The following TRRAP variants were observed in gnomAD, a reference collection of about 807,000 sequenced individuals.
TRRAP encodes transformation/transcription domain associated protein.
A neutral mutation model predicts 438.8 loss-of-function variants in TRRAP; 41 were observed. That is an observed-to-expected ratio of 0.09 (90% CI 0.07 to 0.12). The LOEUF is 0.12. Ranked by LOEUF, TRRAP falls within the 10% of genes least tolerant of loss-of-function variation. The pLI, the probability that TRRAP is intolerant of heterozygous loss-of-function variation, is 1.00. For missense variants in TRRAP, 3,122 were observed against 5,055.1 expected (o/e 0.62, Z 11.60); for synonymous variants, 1,994 against 1,962.9 (o/e 1.02, Z -0.42).
At position 98,994,887 on chromosome 7, in the gene TRRAP, G is replaced by C; in HGVS notation, c.10309+39G>C. 1 of 1,599,966 alleles carries C rather than the reference G, an allele frequency of 6.3e-7. No individual in the cohort carries two copies. Among genetic ancestry groups the C allele is most frequent in the East Asian group, 2.2e-5 (1 of 44,552 alleles). On this transcript the variant is annotated intron_variant, in intron 67 of 72. Transcript: ENST00000456197. The surrounding 1 kb of genome is among the most constrained non-coding windows in gnomAD (Gnocchi z 4.8). ...TTCCTTCCCTTCCATAGGGAGAATT[G>C]TGCACGCTGATTTCCTCCGGCTTTA...
At chr7:98,980,255 A>T (rs1344679524) in intron 58 of TRRAP, among the ~76,000 whole-genome samples, 1 of 152,200 alleles carries the variant, frequency 6.6e-6, no homozygotes, top group Non-Finnish European at 1.5e-5. Context: ...CTTGGGACAG[A>T]TACCATCATG....
intron 18 of TRRAP, among the ~76,000 whole-genome samples, chr7:98,912,896 A>G (rs1774093194): frequency 6.6e-6 from 1 of 152,210 alleles, no homozygotes; most frequent in African/African-American, 2.4e-5. Context: ...CCGTTCTCCC[A>G]GAGCTGGGGT....
chr7:98,960,598 TG>T (rs1173486340), intron 45 of TRRAP, among the ~76,000 whole-genome samples: 2 of 152,212 alleles, frequency 1.3e-5, no homozygotes, highest in Non-Finnish European at 2.9e-5. Context: ...TTTTTGTTTT[TG>T]TTTCGTTTTT....
In TRRAP at chr7:98,984,120, C is replaced by T. The variant is rs777318967; in HGVS notation, c.9050C>T (p.Ser3017Phe). 4.8e-5 allele frequency: 77 copies of T among 1,612,256 alleles called. No individual in the cohort carries two copies. Among genetic ancestry groups the T allele is most frequent in the Non-Finnish European group, 6.0e-5 (71 of 1,179,154 alleles). Residue 3017 changes from serine (S) to phenylalanine (F), a missense_variant, in exon 61 of 73, where the codon TCT becomes TTT. Around this residue, in one of 24 missense-constraint regions of TRRAP, gnomAD observed 129 missense variants for 279.2 expected, o/e 0.46. Transcript: ENST00000456197. ...ATTGTAACTGCCTATGAGAATAGCT[C>T]TCAGCATGATCCCAGTTCAAATAAC... The part of the protein sequence containing the change: ...QAIVTAYENS[S>F]QHDPSSNNAM...
intron 70 of TRRAP, among the ~76,000 whole-genome samples, chr7:99,009,880 CTTTTTTT>C (rs138174570): frequency 6.2e-5 from 6 of 96,692 alleles, no homozygotes; most frequent in Non-Finnish European, 9.6e-5. Context: ...TCATTCTTCT[CTTTTTTT>C]TTTTTTTTTT....
At chr7:98,901,085 G>A (rs77907822) in intron 11 of TRRAP, among the ~76,000 whole-genome samples, 1 of 152,176 alleles carries the variant, frequency 6.6e-6, no homozygotes, top group Non-Finnish European at 1.5e-5. Context: ...ACTTTTTATT[G>A]CTGTGTAGTT....
intron 44 of TRRAP, 43 bp downstream of exon 44, chr7:98,958,134 G>C (rs1554420301): frequency 6.4e-7 from 1 of 1,554,178 alleles, no homozygotes; most frequent in African/African-American, 1.4e-5. Context: ...CTGCAGACCA[G>C]AGGCTACTGA....
At chr7:98,975,966 G>GC in intron 53 of TRRAP, 183 bp from the exon 54 acceptor site, 4 of 757,722 alleles carry the variant, frequency 5.3e-6, no homozygotes, top group Non-Finnish European at 8.0e-6. Flanking sequence ...GTGCACCATG[G>GC]CTTCCCACCA....
At chr7:98,886,766 A>T (rs1795734578) in intron 3 of TRRAP, among the ~76,000 whole-genome samples, 1 of 152,220 alleles carries the variant, frequency 6.6e-6, no homozygotes, top group Non-Finnish European at 1.5e-5. Flanking sequence ...TTCATTATTA[A>T]ATGGGCCATC....
At chr7:98,906,045 CCT>C (rs1554407460) in intron 12 of TRRAP, 130 bp from the exon 13 acceptor site, 1 of 661,958 alleles carries the variant, frequency 1.5e-6, no homozygotes, top group African/African-American at 1.9e-5. Context: ...TTTCTGGTCT[CCT>C]CTCTGTCCCT....
chr7:98,942,432 C>T lies in TRRAP; in HGVS notation c.4405-517C>T, dbSNP rs189057235. ...CATTCCTGCCTTCTCTAGTCCCATC[C>T]TCAGCAGGAGGACCCCGACCCCCTC... On this transcript the variant is annotated intron_variant, in intron 30 of 72. Transcript: ENST00000456197. Among the ~76,000 whole-genome samples, 18 of 152,352 alleles carry T rather than the reference C, an allele frequency of 1.2e-4. No homozygotes were observed. The East Asian group carries it at 2.9e-3, about 24-fold the overall frequency.
chr7:99,008,635 G>A (rs1794299249), intron 70 of TRRAP, 74 bp downstream of exon 70: 2 of 1,520,312 alleles, frequency 1.3e-6, no homozygotes, highest in Admixed American at 2.0e-5. Context: ...CTGGAGACAG[G>A]GGTGTTTAGG....
In TRRAP at chr7:98,895,069, A is replaced by G. The variant is rs373789233; in HGVS notation, c.451-695A>G. Among the ~76,000 whole-genome samples the G allele has an allele frequency of 1.6e-4, 24 of 152,066 alleles. No individual in the cohort carries two copies. The East Asian group carries it at 2.7e-3, about 17-fold the overall frequency. ...ACAGTCATAAAAAATTCTGTATACA[A>G]TTTTTAAAAAAATTTTTGTAGAGAC... On this transcript the variant is annotated intron_variant, in intron 6 of 72. Coordinates refer to ENST00000456197, the MANE Select transcript of TRRAP (RefSeq NM_001375524.1).
chr7:98,990,648 G>A (rs377408093), intron 64 of TRRAP, 29 bp downstream of exon 64: 193 of 1,589,604 alleles, frequency 1.2e-4, no homozygotes, highest in Non-Finnish European at 1.5e-4. Context: ...CCTTGTTCAC[G>A]TGCACAAAAC....
intron 67 of TRRAP, among the ~76,000 whole-genome samples, chr7:98,996,019 C>A (rs1441774529): frequency 6.7e-6 from 1 of 148,792 alleles, no homozygotes; most frequent in African/African-American, 2.5e-5. Flanking sequence ...CATCTACTCA[C>A]CCCTGTCCCA....
chr7:98,917,805 C>T (rs912212609), intron 20 of TRRAP, 126 bp downstream of exon 20: 17 of 1,284,414 alleles, frequency 1.3e-5, no homozygotes, highest in Admixed American at 2.6e-5. Context: ...AATTCATCTT[C>T]GTGAGTCTTC....
rs200422939 is a variant in TRRAP, at chr7:98,899,723, C to T, written c.756C>T (p.Pro252=). The change falls in exon 10 of 73, where the codon CCC becomes CCT. Residue 252 remains proline, a synonymous_variant. Coordinates refer to ENST00000456197, the MANE Select transcript of TRRAP (RefSeq NM_001375524.1). ...NIHNVVAEFV[P]LIMNTIAIQV... is the part of the protein sequence containing the mutation. ...ACAATGTTGTTGCTGAGTTTGTGCC[C>T]TTGATCATGAACACCATTGCCATTC... 69 of 1,614,154 alleles carry T rather than the reference C, an allele frequency of 4.3e-5. No individual in the cohort carries two copies. The East Asian group carries it at 1.1e-3, about 26-fold the overall frequency.
intron 30 of TRRAP, among the ~76,000 whole-genome samples, chr7:98,942,694 A>G (rs1554415945): frequency 6.6e-6 from 1 of 152,202 alleles, no homozygotes; most frequent in African/African-American, 2.4e-5. Flanking sequence ...AGGAAGTAAA[A>G]TGGCAGGGCA....
chr7:98,978,377 A>T, intron 57 of TRRAP, 54 bp downstream of exon 57: 1 of 1,485,012 alleles, frequency 6.7e-7, no homozygotes, highest in Non-Finnish European at 9.3e-7. Context: ...GGAACCAGGG[A>T]AAAATCTCTG....
Sources: allele counts gnomAD v4.1 joint callset (sites outside exome capture counted in the v4.1 genomes callset), GRCh38; gene constraint gnomAD v4.1.1; regional missense constraint gnomAD v4.1.1; non-coding constraint Gnocchi (gnomAD v3.1); transcripts MANE v1.5; gene names NCBI Gene and HGNC (gene_info 2026-07-23, HGNC 2026-07-21).